The following PSD2 variants were observed in gnomAD, a reference collection of about 807,000 sequenced individuals.
PSD2 encodes the protein PH and SEC7 domain-containing protein 2.
Under a neutral mutation model 69.8 loss-of-function variants are expected in PSD2, and 38 were observed. The observed-to-expected ratio is 0.54, with a 90% CI of 0.42 to 0.71. The LOEUF is 0.71. Ranked by LOEUF, PSD2 falls within the 30% of genes least tolerant of loss-of-function variation. The pLI is 0.00. For synonymous variants in PSD2, 412 were observed against 423.0 expected (o/e 0.97, Z 0.32); for missense variants, 943 against 1,014.5 (o/e 0.93, Z 0.96).
rs183168227 is a variant in PSD2, at chr5:139,818,159, A to G, written c.1097+598A>G. 1.6e-4 allele frequency among the ~76,000 whole-genome samples: 25 copies of G among 152,224 alleles called. No homozygotes were observed. The East Asian group carries it at 4.4e-3, about 27-fold the overall frequency. ...GGGCAGATACTGGCCAGGTCCTAGG[A>G]GAGATGGATGCATCTCAGAGCTAAG... On this transcript the variant is annotated intron_variant, in intron 5 of 14. Coordinates refer to ENST00000274710, the MANE Select transcript of PSD2 (RefSeq NM_032289.4).
Position 139,835,723 on chromosome 5 carries a change from A to G in PSD2, c.1360A>G (p.Thr454Ala), listed in dbSNP as rs149135492. 4 of 1,613,872 alleles carry G rather than the reference A, an allele frequency of 2.5e-6. No homozygotes were observed. Among genetic ancestry groups the G allele is most frequent in the Non-Finnish European group, 3.4e-6 (4 of 1,179,928 alleles). The stretch of plus-strand genomic sequence containing the variant: ...CCCCTCTCTCTTTTCCCTCTCCCAG[A>G]CCCTTTACAACTCCATCAAGAATGA... ...GQDFAKDLLK[T>A]LYNSIKNEKL... Residue 454 changes from threonine to alanine, a missense_variant and splice_region_variant, in exon 9 of 15, where the codon ACC (threonine) becomes GCC (alanine). Thr to Ala is a moderately conservative substitution (Grantham distance 58). Around this residue, in one of 3 missense-constraint regions of PSD2, gnomAD observed 312 missense variants for 400.7 expected, o/e 0.78. Coordinates refer to ENST00000274710, the MANE Select transcript of PSD2 (RefSeq NM_032289.4).
In PSD2 at chr5:139,837,143, A is replaced by G. The variant is rs769736236; in HGVS notation, c.1595-25A>G. 6.2e-7 allele frequency: 1 copy of G among 1,613,206 alleles called. No homozygotes were observed. Among genetic ancestry groups the G allele is most frequent in the South Asian group, 1.1e-5 (1 of 91,000 alleles). ...GAGACTGCAGAGGGTGGCTGCAGCC[A>G]CACTACCAGTGCCCTCCTCCCCAGC... On this transcript the variant is annotated intron_variant, in intron 10 of 14. Transcript: ENST00000274710. This position sits in a 1 kb window ranked among gnomAD's most constrained non-coding sequence, Gnocchi z 5.0.
chr5:139,826,052 C>T (rs1369289845), intron 7 of PSD2, among the ~76,000 whole-genome samples: 1 of 152,146 alleles, frequency 6.6e-6, no homozygotes, highest in East Asian at 1.9e-4. Context: ...GAGTGAGTGG[C>T]CAACTGTATA....
chr5:139,813,536 T>A lies in PSD2; in HGVS notation c.599T>A (p.Ile200Asn). Residue 200 changes from isoleucine (I) to asparagine (N), a missense_variant, in exon 3 of 15, where the codon ATT becomes AAT. Ile to Asn is a moderately radical substitution (Grantham distance 149). Around this residue, in one of 3 missense-constraint regions of PSD2, gnomAD observed 466 missense variants for 445.0 expected, o/e 1.05. Coordinates refer to ENST00000274710, the MANE Select transcript of PSD2 (RefSeq NM_032289.4). Reference protein sequence around the residue: ...DSPEPGAGLGIGDMAFEGDMG... With the variant: ...DSPEPGAGLGNGDMAFEGDMG... Reference sequence around the variant, plus strand: ...CCTGAGCCAGGGGCTGGGTTGGGCATTGGGGACATGGCGTTTGAGGGGGAC... The same window carrying A: ...CCTGAGCCAGGGGCTGGGTTGGGCAATGGGGACATGGCGTTTGAGGGGGAC... 5.6e-6 allele frequency: 9 copies of A among 1,610,184 alleles called. No homozygotes were observed. Among genetic ancestry groups the A allele is most frequent in the Non-Finnish European group, 7.6e-6 (9 of 1,176,842 alleles).
At position 139,813,767 on chromosome 5, in the gene PSD2, G is replaced by A; in HGVS notation, c.821+9G>A. The A allele has an allele frequency of 1.3e-6, 2 of 1,591,330 alleles. No individual in the cohort carries two copies. The highest frequency in any genetic ancestry group is 2.3e-5 in the East Asian group (1 of 44,412). ...TTGCTGAACTCAGCCAGGTGAGGCA[G>A]GGCCCAGGCTGGGAGAACCACCGAG... On this transcript the variant is annotated intron_variant, in intron 3 of 14. Coordinates refer to ENST00000274710, the MANE Select transcript of PSD2 (RefSeq NM_032289.4).
intron 4 of PSD2, among the ~76,000 whole-genome samples, chr5:139,815,926 G>A (rs1467427410): frequency 2.0e-5 from 3 of 150,248 alleles, no homozygotes; most frequent in African/African-American, 4.9e-5. Context: ...CCTGGGAGGC[G>A]GAGGTTGCAG....
At chr5:139,742,971 T>C in the PSD2 span, among the ~76,000 whole-genome samples, 2 of 152,114 alleles carry the variant, frequency 1.3e-5, no homozygotes, top group Non-Finnish European at 2.9e-5. Context: ...AAAAAAGGTA[T>C]GTAGTGGTTG....
chr5:139,788,873 G>A, the PSD2 span, among the ~76,000 whole-genome samples: 2 of 152,328 alleles, frequency 1.3e-5, no homozygotes, highest in South Asian at 4.1e-4. Context: ...TCTCCAGCCC[G>A]TGGCCTTGCT....
At chr5:139,830,797 G>A (rs1301724100) in intron 7 of PSD2, among the ~76,000 whole-genome samples, 1 of 142,320 alleles carries the variant, frequency 7.0e-6, no homozygotes, top group Non-Finnish European at 1.5e-5. Context: ...TGGGATTACA[G>A]GTGTGAGCCA....
At chr5:139,761,066 A>C in the PSD2 span, among the ~76,000 whole-genome samples, 2 of 152,318 alleles carry the variant, frequency 1.3e-5, no homozygotes, top group South Asian at 4.1e-4. Context: ...CCATAGTCTC[A>C]GGGAAGATGT....
the PSD2 span, among the ~76,000 whole-genome samples, chr5:139,759,543 C>G: frequency 2.6e-5 from 4 of 152,160 alleles, no homozygotes; most frequent in East Asian, 7.7e-4. Flanking sequence ...GTTGTGGGAA[C>G]AACAGCTTGA....
In PSD2 at chr5:139,837,088, G is replaced by T; in HGVS notation, c.1595-80G>T. The stretch of plus-strand genomic sequence containing the variant: ...GCCACTCTTTGGGGACGAACATACA[G>T]GTGGACACGTAGTGGGAGGTGGGGT... On this transcript the variant is annotated intron_variant, in intron 10 of 14. Coordinates refer to ENST00000274710, the MANE Select transcript of PSD2 (RefSeq NM_032289.4). The surrounding 1 kb of genome is among the most constrained non-coding windows in gnomAD (Gnocchi z 5.0). The T allele has an allele frequency of 6.3e-7, 1 of 1,598,414 alleles. No homozygotes were observed. The highest frequency in any genetic ancestry group is 8.6e-7 in the Non-Finnish European group (1 of 1,168,900).
At chr5:139,760,965 C>T in the PSD2 span, among the ~76,000 whole-genome samples, 3 of 152,186 alleles carry the variant, frequency 2.0e-5, no homozygotes, top group Admixed American at 6.5e-5. Context: ...ATAGAGGAAA[C>T]GTAGCCCTTC....
At chr5:139,815,562 G>T (rs954384835) in intron 4 of PSD2, among the ~76,000 whole-genome samples, 2 of 152,104 alleles carry the variant, frequency 1.3e-5, no homozygotes, top group Non-Finnish European at 2.9e-5. Flanking sequence ...ACCAACTTCA[G>T]AAACCTCTTG....
Position 139,822,673 on chromosome 5 carries a change from G to A in PSD2, c.1211-53G>A, listed in dbSNP as rs879141426. Reference sequence around the variant, plus strand: ...CTGACGGGTTCCGTCAGGAGACAGGGAGTGGGAAGAGGTTGGATCCTCGCA... The same window carrying A: ...CTGACGGGTTCCGTCAGGAGACAGGAAGTGGGAAGAGGTTGGATCCTCGCA... On this transcript the variant is annotated intron_variant, in intron 6 of 14. Coordinates refer to ENST00000274710, the MANE Select transcript of PSD2 (RefSeq NM_032289.4). 2.2e-5 allele frequency: 33 copies of A among 1,507,532 alleles called. No individual in the cohort carries two copies. The African/African-American group carries it at 3.8e-4, about 17-fold the overall frequency. 93.4% of individuals were successfully genotyped at this position (1,507,532 alleles called of 1,614,324 possible). A position where few individuals can be genotyped will look rare whatever the true frequency, so the allele number is the denominator to read the frequency against.
chr5:139,822,045 A>G, intron 6 of PSD2, 40 bp downstream of exon 6: 1 of 1,338,140 alleles, frequency 7.5e-7, no homozygotes, highest in Non-Finnish European at 1.1e-6. Context: ...CTCCCCACCC[A>G]CTCAGCCAGG....
At chr5:139,818,892 A>T (rs532749481) in intron 5 of PSD2, among the ~76,000 whole-genome samples, 1 of 152,354 alleles carries the variant, frequency 6.6e-6, no homozygotes, top group Admixed American at 6.5e-5. Flanking sequence ...TAAAAAATTT[A>T]AAAAATAGAT....
intron 7 of PSD2, among the ~76,000 whole-genome samples, chr5:139,832,074 A>T (rs1187313702): frequency 1.3e-5 from 2 of 152,186 alleles, no homozygotes; most frequent in African/African-American, 4.8e-5. Context: ...TGAAGCCTTC[A>T]CTGCTTTTGT....
chr5:139,755,877 C>G, the PSD2 span, among the ~76,000 whole-genome samples: 2 of 152,042 alleles, frequency 1.3e-5, no homozygotes, highest in African/African-American at 4.8e-5. Context: ...GGGGCTCCAA[C>G]AAATCTCAGT....
Sources: allele counts gnomAD v4.1 joint callset (sites outside exome capture counted in the v4.1 genomes callset), GRCh38; gene constraint gnomAD v4.1.1; regional missense constraint gnomAD v4.1.1; non-coding constraint Gnocchi (gnomAD v3.1); transcripts MANE v1.5; gene names NCBI Gene and HGNC (gene_info 2026-07-23, HGNC 2026-07-21).